UFD1: variants seen among roughly 807,000 people sequenced by gnomAD.
UFD1 encodes the protein ubiquitin recognition factor in ER-associated degradation protein 1.
UFD1 carries 13 observed loss-of-function variants against 45.9 expected under a neutral mutation model. That is an observed-to-expected ratio of 0.28 (90% confidence interval 0.18 to 0.45). The LOEUF (loss-of-function observed/expected upper bound fraction) is 0.45. Among genes scored for constraint, UFD1 ranks in the 20% least tolerant of loss-of-function variants. UFD1 has a pLI of 1.00. For missense variants in UFD1, 218 were observed against 389.2 expected (o/e 0.56, Z 3.70); for synonymous variants, 128 against 139.2 (o/e 0.92, Z 0.56).
intron 6 of UFD1, 80 bp downstream of exon 6, chr22:19,465,121 TA>T: frequency 7.3e-7 from 1 of 1,370,316 alleles, no homozygotes. Flanking sequence ...ATACGCTGCT[TA>T]AAAAGAAGCC....
rs140263268 is a variant in UFD1 at position 19,475,537 on chromosome 22, G to A, written c.69C>T (p.Tyr23=). 40 of 1,614,158 alleles carry A rather than the reference G, an allele frequency of 2.5e-5. No homozygotes were observed. The highest frequency in any genetic ancestry group is 3.3e-4 in the Middle Eastern group (2 of 6,062). ...RVFQNRFSTQ[Y]RCFSVSMLAG... ...CTAGCATGGACACAGAGAAGCAGCG[G>A]TACTGTGTGGAGAAGCGGTTTTGGA... Residue 23 remains tyrosine, a synonymous_variant, in exon 2 of 12, where the codon TAC becomes TAT. Coordinates refer to ENST00000263202, the MANE Select transcript of UFD1 (RefSeq NM_005659.7).
chr22:19,474,437 T>C (rs1209037613), intron 3 of UFD1, among the ~76,000 whole-genome samples: 2 of 152,110 alleles, frequency 1.3e-5, no homozygotes, highest in South Asian at 4.2e-4. Flanking sequence ...TCCCAGCTAC[T>C]CGGGAGGCTG....
chr22:19,457,169 G>T (rs993527686), intron 7 of UFD1, among the ~76,000 whole-genome samples: 1 of 152,110 alleles, frequency 6.6e-6, no homozygotes, highest in African/African-American at 2.4e-5. Context: ...ACATGTTTTT[G>T]TTCATGGGTA....
chr22:19,450,882 T>G, intron 11 of UFD1, 138 bp from the exon 12 acceptor site: 1 of 1,511,204 alleles, frequency 6.6e-7, no homozygotes, highest in Non-Finnish European at 8.9e-7. Context: ...ACACCTGTAA[T>G]CCCAGCACTT....
At chr22:19,474,519 C>T (rs965505398) in intron 3 of UFD1, among the ~76,000 whole-genome samples, 13 of 152,110 alleles carry the variant, frequency 8.5e-5, no homozygotes, top group Non-Finnish European at 1.6e-4. Context: ...GCACTCCAGC[C>T]TGGGCGCTAA....
At chr22:19,456,391 T>C in intron 9 of UFD1, 196 bp downstream of exon 9, 1 of 684,902 alleles carries the variant, frequency 1.5e-6, no homozygotes, top group East Asian at 2.7e-5. Flanking sequence ...TATGGGGCTG[T>C]TGGGAAGATT....
chr22:19,451,227 C>G lies in UFD1; in HGVS notation c.850-483G>C, dbSNP rs561640943. The G allele has an allele frequency of 3.7e-5, 36 of 986,148 alleles. 1 individual carries two copies. The African/African-American group carries it at 6.3e-4, about 17-fold the overall frequency. 61.1% of individuals were successfully genotyped at this position (986,148 alleles called of 1,614,324 possible). On this transcript the variant is annotated intron_variant, in intron 11 of 11. Transcript: ENST00000263202. ...TTGTTTTCCCACTTAATTCTGAAAT[C>G]TCATGCCAATAAACTTCCTGTCTAG...
rs774052990 is a variant in UFD1, at chr22:19,475,570, G to A, written c.36C>T (p.Pro12=). Residue 12 remains proline (P), a synonymous_variant, in exon 2 of 12, where the codon CCC becomes CCT. Transcript: ENST00000263202. ...FSFNMFDHPI[P]RVFQNRFSTQ... is the part of the protein sequence containing the mutation. ...TGGAGAAGCGGTTTTGGAAGACCCT[G>A]GGAATAGGGTGGTCGAACATGTTGA... 6.2e-6 allele frequency: 10 copies of A among 1,614,056 alleles called. No homozygotes were observed. Among genetic ancestry groups the A allele is most frequent in the South Asian group, 1.1e-5 (1 of 91,084 alleles).
At chr22:19,464,826 G>GT (rs2089790128) in intron 6 of UFD1, among the ~76,000 whole-genome samples, 3 of 152,210 alleles carry the variant, frequency 2.0e-5, no homozygotes, top group Admixed American at 2.0e-4. Flanking sequence ...TGTGGGGCAG[G>GT]TATCCCAAGG....
intron 11 of UFD1, chr22:19,454,080 T>C (rs1339440709): frequency 6.1e-6 from 6 of 985,718 alleles, no homozygotes; most frequent in Non-Finnish European, 7.2e-6. Context: ...GTGCTGCCTA[T>C]ATTTGAAGTT....
intron 1 of UFD1, chr22:19,478,661 G>C (rs1269885113): frequency 8.2e-6 from 2 of 243,040 alleles, no homozygotes. Context: ...ACGGAGCTGG[G>C]GCAAGAGCTG....
chr22:19,454,618 G>A (rs745578303), intron 11 of UFD1, 131 bp downstream of exon 11: 49 of 1,538,862 alleles, frequency 3.2e-5, no homozygotes, highest in South Asian at 8.3e-5. Context: ...GCCCAGTCTC[G>A]GGTACATCTT....
At chr22:19,451,245 C>G (rs2089680464) in intron 11 of UFD1, 1 of 986,364 alleles carries the variant, frequency 1.0e-6, no homozygotes, top group Non-Finnish European at 1.2e-6. Flanking sequence ...AATAAACTTC[C>G]TGTCTAGTAT....
intron 1 of UFD1, among the ~76,000 whole-genome samples, chr22:19,476,664 GT>G (rs1204222165): frequency 6.1e-5 from 9 of 147,708 alleles, no homozygotes; most frequent in Non-Finnish European, 1.3e-4. Flanking sequence ...TACATACTAT[GT>G]TTTTTCTTAT....
chr22:19,453,757 C>T, intron 11 of UFD1: 1 of 985,540 alleles, frequency 1.0e-6, no homozygotes, highest in Non-Finnish European at 1.2e-6. Flanking sequence ...TCTCTGTCCC[C>T]AACCACCCCA....
intron 4 of UFD1, chr22:19,470,573 C>G: frequency 2.7e-6 from 1 of 365,912 alleles, no homozygotes; most frequent in East Asian, 7.4e-5. Context: ...TCCCAAGTAG[C>G]TAGGACTACA....
At chr22:19,454,544 T>C in intron 11 of UFD1, 1 of 1,163,420 alleles carries the variant, frequency 8.6e-7, no homozygotes, top group South Asian at 1.6e-5. Flanking sequence ...CCCCCTGCCA[T>C]GATTGTGAGG....
At position 19,471,735 on chromosome 22, in the gene UFD1, G is replaced by A. The variant is rs374033307; in HGVS notation, c.243C>T (p.Gly81=). 2.3e-5 allele frequency: 37 copies of A among 1,613,984 alleles called. No individual in the cohort carries two copies. In the African/African-American group the frequency reaches 2.7e-4, roughly 12 times the overall value. Residue 81 remains glycine, a synonymous_variant, in exon 4 of 12, where the codon GGC becomes GGT. Coordinates refer to ENST00000263202, the MANE Select transcript of UFD1 (RefSeq NM_005659.7). ...NKNSDRMTHC[G]VLEFVADEGI... ...CCTCATCAGCCACAAACTCCAGCAC[G>A]CCACAATGCGTCATGCGGTCCGAAT...
chr22:19,478,943 G>T, intron 1 of UFD1, 140 bp downstream of exon 1: 10 of 1,188,258 alleles, frequency 8.4e-6, no homozygotes, highest in Non-Finnish European at 1.1e-5. Context: ...TGCCCGGTGC[G>T]GCCGATGAGC....
Sources: gnomAD v4.1 joint callset for allele counts (sites outside exome capture counted in the v4.1 genomes callset) on GRCh38, gnomAD v4.1.1 for gene constraint, MANE v1.5 for transcripts, NCBI Gene and HGNC (gene_info 2026-07-23, HGNC 2026-07-21) for gene names.